GALNT9: variants seen among roughly 807,000 people sequenced by gnomAD.
GALNT9 encodes the protein GalNAc transferase 9.
A neutral mutation model predicts 63.1 loss-of-function variants in GALNT9; 47 were observed. That is an observed-to-expected ratio of 0.75 (90% CI 0.59 to 0.95). The LOEUF (loss-of-function observed/expected upper bound fraction) is 0.95. Among genes scored for constraint, GALNT9 ranks in the 40% least tolerant of loss-of-function variants. The pLI, the probability that GALNT9 is intolerant of heterozygous loss-of-function variation, is 0.00. For missense variants in GALNT9, 829 were observed against 874.8 expected, an observed-to-expected ratio of 0.95 and a Z score of 0.66; for synonymous variants, 396 against 365.7, an observed-to-expected ratio of 1.08 and a Z score of -0.94.
intron 6 of GALNT9, among the ~76,000 whole-genome samples, chr12:132,214,974 C>T (rs1206408794): frequency 6.6e-6 from 1 of 152,246 alleles, no homozygotes; most frequent in Non-Finnish European, 1.5e-5. Context: ...ACAGGCAAAG[C>T]CAGCGTGAGG....
At chr12:132,268,906 C>T (rs1005256696) in intron 2 of GALNT9, among the ~76,000 whole-genome samples, 3 of 152,238 alleles carry the variant, frequency 2.0e-5, no homozygotes, top group African/African-American at 4.8e-5. Context: ...GCGGAGGGGC[C>T]GGAACGCCCA....
intron 6 of GALNT9, 116 bp from the exon 7 acceptor site, chr12:132,203,806 A>G: frequency 1.8e-6 from 2 of 1,110,402 alleles, no homozygotes; most frequent in African/African-American, 3.9e-5. Flanking sequence ...GGGCACCCCC[A>G]CCACCGACGG....
At chr12:132,328,852 C>A in intron 1 of GALNT9, 114 bp downstream of exon 1, 1 of 1,272,424 alleles carries the variant, frequency 7.9e-7, no homozygotes, top group Non-Finnish European at 1.0e-6. Context: ...TGTATATTCC[C>A]TCCCACAGGG....
rs1880601516 is a variant in GALNT9, at chr12:132,286,536, A to G, written c.239-106T>C. On this transcript the variant is annotated intron_variant, in intron 1 of 10. Transcript: ENST00000328957. This position sits in a 1 kb window ranked among gnomAD's most constrained non-coding sequence, Gnocchi z 7.4. Reference sequence around the variant, plus strand: ...CTCCCCGACGGCCGCTTCCCCCGGTACAAGCCCAGCAAACTCCCTGCAGAT... The same window carrying G: ...CTCCCCGACGGCCGCTTCCCCCGGTGCAAGCCCAGCAAACTCCCTGCAGAT... The G allele has an allele frequency of 1.4e-6, 2 of 1,435,562 alleles. No individual in the cohort carries two copies. The highest frequency in any genetic ancestry group is 2.5e-5 in the East Asian group (1 of 39,960). The allele number at this position is 1,435,562 out of a possible 1,614,324, so 88.9% of individuals were successfully genotyped here.
At chr12:132,256,631 T>TGGGGGGACGCTGGAGGGGGACACTGGA (rs1394539420) in intron 5 of GALNT9, among the ~76,000 whole-genome samples, 1 of 57,716 alleles carries the variant, frequency 1.7e-5, no homozygotes, top group Non-Finnish European at 3.1e-5. Context: ...GGGGGAACAC[T>TGGGGGGACGCTGGAGGGGGACACTGGA]GGGGGGACGC....
chr12:132,299,633 A>C (rs1415312662), intron 1 of GALNT9, among the ~76,000 whole-genome samples: 1 of 133,354 alleles, frequency 7.5e-6, no homozygotes, highest in Non-Finnish European at 1.6e-5. Flanking sequence ...TGACCAACCC[A>C]TTCCTGAGAT....
intron 1 of GALNT9, among the ~76,000 whole-genome samples, chr12:132,320,031 C>T (rs1008272628): frequency 6.6e-6 from 1 of 152,228 alleles, no homozygotes; most frequent in African/African-American, 2.4e-5. Context: ...CGTTAGCGTT[C>T]ACTCTGTCAG....
intron 5 of GALNT9, among the ~76,000 whole-genome samples, chr12:132,256,439 C>T (rs782305674): frequency 6.6e-6 from 1 of 151,656 alleles, no homozygotes; most frequent in Non-Finnish European, 1.5e-5. Flanking sequence ...CACCTGCTGA[C>T]GCATATGAGG....
At chr12:132,247,764 G>A (rs1359281924) in intron 6 of GALNT9, 146 bp downstream of exon 6, 18 of 1,155,514 alleles carry the variant, frequency 1.6e-5, no homozygotes, top group Admixed American at 4.6e-5. Flanking sequence ...GGCCGCACTC[G>A]CCCTCACCCC....
At chr12:132,206,782 A>G (rs1197778137) in intron 6 of GALNT9, among the ~76,000 whole-genome samples, 1 of 152,254 alleles carries the variant, frequency 6.6e-6, no homozygotes, top group Admixed American at 6.5e-5. Flanking sequence ...AGGAAATGGC[A>G]AATGTGGAGA....
chr12:132,199,707 C>A (rs1392219830), intron 8 of GALNT9, among the ~76,000 whole-genome samples: 1 of 152,180 alleles, frequency 6.6e-6, no homozygotes, highest in African/African-American at 2.4e-5. Flanking sequence ...CCCTGACAGC[C>A]CTCTGAGAAC....
Position 132,315,506 on chromosome 12 carries a change from G to C in GALNT9, c.238+13460C>G, listed in dbSNP as rs1203256237. 6.6e-6 allele frequency among the ~76,000 whole-genome samples: 1 copy of C among 152,212 alleles called. No individual in the cohort carries two copies. The highest frequency in any genetic ancestry group is 2.4e-5 in the African/African-American group (1 of 41,444). ...TTTCTGACTTAGAAATAAAATCAGG[G>C]CTTGCTGGGTTTCACGCCGGAGCTG... On this transcript the variant is annotated intron_variant, in intron 1 of 10. Transcript: ENST00000328957. This position sits in a 1 kb window ranked among gnomAD's most constrained non-coding sequence, Gnocchi z 6.1.
At chr12:132,269,378 G>C (rs1879780703) in intron 2 of GALNT9, among the ~76,000 whole-genome samples, 1 of 152,248 alleles carries the variant, frequency 6.6e-6, no homozygotes, top group South Asian at 2.1e-4. Flanking sequence ...CGAGGAGCGG[G>C]ACCGCCAGGC....
chr12:132,225,574 C>A (rs1877638248), intron 6 of GALNT9, among the ~76,000 whole-genome samples: 2 of 148,644 alleles, frequency 1.3e-5, no homozygotes, highest in South Asian at 4.4e-4. Context: ...ACACCCCACA[C>A]AACCCACACA....
In GALNT9 at chr12:132,199,100, C is replaced by A. The variant is rs1022312978; in HGVS notation, c.1497+74G>T. ...CCAGCAGGCTGGACCCGTGCCTCTG[C>A]CCCAGGGTGTAGGGTCCGGGTGGCC... is the stretch of plus-strand genomic sequence containing the variant. On this transcript the variant is annotated intron_variant, in intron 9 of 10. Transcript: ENST00000328957. The A allele has an allele frequency of 6.1e-6, 6 of 991,430 alleles. No homozygotes were observed. In the African/African-American group the frequency reaches 9.4e-5, roughly 16 times the overall value. The allele number at this position is 991,430 out of a possible 1,614,324, so 61.4% of individuals were successfully genotyped here.
intron 1 of GALNT9, among the ~76,000 whole-genome samples, chr12:132,291,108 A>G (rs1555242693): frequency 3.8e-5 from 2 of 52,604 alleles, no homozygotes; most frequent in African/African-American, 7.9e-5. Flanking sequence ...CGTCCATAGC[A>G]CCCACATCCA....
At chr12:132,269,767 G>A (rs1453722544) in intron 2 of GALNT9, among the ~76,000 whole-genome samples, 5 of 152,248 alleles carry the variant, frequency 3.3e-5, no homozygotes, top group Non-Finnish European at 7.3e-5. Context: ...GGTGGCACGT[G>A]GCGCCTGCTG....
intron 2 of GALNT9, among the ~76,000 whole-genome samples, chr12:132,269,433 G>T (rs1389861576): frequency 6.6e-6 from 1 of 152,116 alleles, no homozygotes; most frequent in Non-Finnish European, 1.5e-5. Flanking sequence ...CTCCGGGCGG[G>T]AGCCACGGAG....
At chr12:132,287,999 A>C (rs1490946502) in intron 1 of GALNT9, among the ~76,000 whole-genome samples, 1 of 152,200 alleles carries the variant, frequency 6.6e-6, no homozygotes, top group Non-Finnish European at 1.5e-5. Flanking sequence ...GTCAGCTTGC[A>C]CAGAGAGGTC....
Sources: gnomAD v4.1 joint callset for allele counts (sites outside exome capture counted in the v4.1 genomes callset) on GRCh38, gnomAD v4.1.1 for gene constraint, Gnocchi (gnomAD v3.1) non-coding constraint, MANE v1.5 for transcripts, NCBI Gene and HGNC (gene_info 2026-07-23, HGNC 2026-07-21) for gene names.